SHROOM3: variants seen among roughly 807,000 people sequenced by gnomAD.
The protein encoded by SHROOM3 is protein Shroom3.
In SHROOM3, 47 loss-of-function variants were observed where a neutral mutation model predicts 138.6. That is an observed-to-expected ratio of 0.34 (90% CI 0.27 to 0.43). The LOEUF (loss-of-function observed/expected upper bound fraction) is 0.43. Ranked by LOEUF, SHROOM3 falls within the 20% of genes least tolerant of loss-of-function variation. The pLI is 1.00. For missense variants in SHROOM3, 2,491 were observed against 2,596.5 expected (o/e 0.96, Z 0.88); for synonymous variants, 1,062 against 1,063.3 (o/e 1.00, Z 0.02).
chr4:76,669,182 A>C (rs2041645346), intron 2 of SHROOM3, among the ~76,000 whole-genome samples: 2 of 152,212 alleles, frequency 1.3e-5, no homozygotes, highest in South Asian at 4.1e-4. Context: ...AAATCCTTGT[A>C]TACCTTGTTC....
At chr4:76,743,240 GT>G (rs1263909617) in intron 5 of SHROOM3, among the ~76,000 whole-genome samples, 1 of 152,196 alleles carries the variant, frequency 6.6e-6, no homozygotes, top group African/African-American at 2.4e-5. Flanking sequence ...AGATTCAGCA[GT>G]TCTGGCTGAG....
intron 1 of SHROOM3, among the ~76,000 whole-genome samples, chr4:76,547,227 G>A (rs1418090243): frequency 2.0e-5 from 3 of 152,246 alleles, no homozygotes; most frequent in Non-Finnish European, 1.5e-5. Context: ...AGGGACAAAT[G>A]TCTGGGCGAT....
At chr4:76,694,622 G>A (rs1002785746) in intron 2 of SHROOM3, among the ~76,000 whole-genome samples, 4 of 152,186 alleles carry the variant, frequency 2.6e-5, no homozygotes, top group East Asian at 3.9e-4. Context: ...GTAATTTGGA[G>A]AGTCCTTTAA....
chr4:76,712,877 A>G (rs1720272422), intron 3 of SHROOM3, among the ~76,000 whole-genome samples: 1 of 152,272 alleles, frequency 6.6e-6, no homozygotes, highest in Admixed American at 6.5e-5. Context: ...CATTTGGTGT[A>G]GCCTAGACTA....
chr4:76,591,391 T>G (rs559515109), intron 2 of SHROOM3, among the ~76,000 whole-genome samples: 1 of 152,318 alleles, frequency 6.6e-6, no homozygotes, highest in East Asian at 1.9e-4. Flanking sequence ...GGCACAACCC[T>G]GGGAAAACAT....
At chr4:76,744,161 TTAAA>T (rs1281667252) in intron 5 of SHROOM3, among the ~76,000 whole-genome samples, 1 of 152,214 alleles carries the variant, frequency 6.6e-6, no homozygotes, top group African/African-American at 2.4e-5. Context: ...CAAATCCCAA[TTAAA>T]TACTTTGTAT....
chr4:76,664,730 T>G lies in SHROOM3; in HGVS notation c.324-45426T>G, dbSNP rs1718645482. Among the ~76,000 whole-genome samples the G allele has an allele frequency of 6.6e-6, 1 of 152,230 alleles. No homozygotes were observed. The highest frequency in any genetic ancestry group is 2.4e-5 in the African/African-American group (1 of 41,466). The stretch of plus-strand genomic sequence containing the variant: ...AATGTTAAGTGTATAGTTCAATAAG[T>G]TTAAGTATATCAAAGTTATTGTGCA... On this transcript the variant is annotated intron_variant, in intron 2 of 10. Transcript: ENST00000296043. This position sits in a 1 kb window ranked among gnomAD's most constrained non-coding sequence, Gnocchi z 4.2.
chr4:76,771,627 C>A (rs1310892148), intron 10 of SHROOM3, among the ~76,000 whole-genome samples: 1 of 152,166 alleles, frequency 6.6e-6, no homozygotes, highest in South Asian at 2.1e-4. Context: ...ACCCCCTCCT[C>A]GAAGGGAGGG....
intron 2 of SHROOM3, among the ~76,000 whole-genome samples, chr4:76,670,809 C>G (rs559753628): frequency 3.3e-5 from 5 of 151,956 alleles, no homozygotes; most frequent in South Asian, 4.2e-4. Flanking sequence ...AAAAATTAGC[C>G]GGGCATGGTG....
intron 10 of SHROOM3, among the ~76,000 whole-genome samples, chr4:76,776,543 T>C (rs1254072019): frequency 1.3e-5 from 2 of 152,212 alleles, no homozygotes; most frequent in African/African-American, 4.8e-5. Context: ...GAAGATTGTC[T>C]TCTTTCCATC....
chr4:76,459,037 A>C (rs1466075798), intron 1 of SHROOM3, among the ~76,000 whole-genome samples: 1 of 152,180 alleles, frequency 6.6e-6, no homozygotes, highest in East Asian at 1.9e-4. Flanking sequence ...GGCCTGGAGC[A>C]GCTGCGGTTC....
chr4:76,742,001 C>T, intron 5 of SHROOM3, 75 bp downstream of exon 5: 2 of 1,543,444 alleles, frequency 1.3e-6, no homozygotes, highest in Non-Finnish European at 1.8e-6. Flanking sequence ...TCCCCAACCC[C>T]CCACACTCTC....
chr4:76,759,764 G>T, intron 9 of SHROOM3, 69 bp downstream of exon 9: 3 of 1,556,200 alleles, frequency 1.9e-6, no homozygotes, highest in Non-Finnish European at 2.6e-6. Context: ...TGTAATCAGC[G>T]TGGTGACTGG....
chr4:76,572,020 G>A (rs750984593), intron 2 of SHROOM3, among the ~76,000 whole-genome samples: 7 of 151,852 alleles, frequency 4.6e-5, no homozygotes, highest in East Asian at 1.9e-4. Context: ...TCCATACTGC[G>A]CCCCCCAGCC....
intron 2 of SHROOM3, among the ~76,000 whole-genome samples, chr4:76,635,726 T>C (rs555010041): frequency 6.6e-6 from 1 of 152,316 alleles, no homozygotes; most frequent in African/African-American, 2.4e-5. Context: ...ATGAGTTCCT[T>C]GAAGCAGAGT....
intron 1 of SHROOM3, among the ~76,000 whole-genome samples, chr4:76,442,031 CT>C (rs1321717296): frequency 6.6e-6 from 1 of 152,150 alleles, no homozygotes; most frequent in African/African-American, 2.4e-5. Context: ...TTCCCAGTGG[CT>C]TTTTATTATA....
intron 1 of SHROOM3, among the ~76,000 whole-genome samples, chr4:76,527,512 G>T (rs1237395904): frequency 6.6e-6 from 1 of 152,194 alleles, no homozygotes; most frequent in South Asian, 2.1e-4. Flanking sequence ...GAACCCGGGA[G>T]GTAGAGGTTG....
At chr4:76,770,191 T>C (rs7659925) in intron 9 of SHROOM3, among the ~76,000 whole-genome samples, 13,354 of 151,274 alleles carry the variant, frequency 0.088, 733 homozygotes, top group African/African-American at 0.16. Context: ...GGCGTGGTGG[T>C]GGGCACCTGT....
intron 1 of SHROOM3, among the ~76,000 whole-genome samples, chr4:76,450,623 G>C (rs1730907583): frequency 6.6e-6 from 1 of 152,138 alleles, no homozygotes; most frequent in Non-Finnish European, 1.5e-5. Flanking sequence ...AGACACAAAG[G>C]AACATATTTA....
Sources: allele counts gnomAD v4.1 joint callset (sites outside exome capture counted in the v4.1 genomes callset), GRCh38; gene constraint gnomAD v4.1.1; non-coding constraint Gnocchi (gnomAD v3.1); transcripts MANE v1.5; gene names NCBI Gene and HGNC (gene_info 2026-07-23, HGNC 2026-07-21).